Variants in RAPGEF4 observed in about 807,000 individuals in gnomAD.
The protein encoded by RAPGEF4 is Rap guanine nucleotide exchange factor 4, also known as RAP guanine-nucleotide-exchange factor (GEF) 4.
Under a neutral mutation model 147.9 loss-of-function variants are expected in RAPGEF4, and 66 were observed. The observed-to-expected ratio is 0.45, with a 90% confidence interval of 0.37 to 0.55. The LOEUF is 0.55. RAPGEF4 is among the 20% of genes least tolerant of loss of function. The probability of loss-of-function intolerance (pLI) is 0.00; values close to 1 mark genes in which losing one functional copy is unlikely to be tolerated. For synonymous variants in RAPGEF4, 419 were observed against 442.7 expected (o/e 0.95, Z 0.67); for missense variants, 1,071 against 1,257.3 (o/e 0.85, Z 2.24).
At chr2:172,836,289 T>C (rs776247538) in intron 4 of RAPGEF4, among the ~76,000 whole-genome samples, 11 of 152,110 alleles carry the variant, frequency 7.2e-5, no homozygotes, top group Non-Finnish European at 1.5e-5. Context: ...TCCACATGTC[T>C]ATGGCAATTT....
chr2:172,907,341 C>T (rs1246084565), intron 4 of RAPGEF4, among the ~76,000 whole-genome samples: 1 of 152,252 alleles, frequency 6.6e-6, no homozygotes, highest in Non-Finnish European at 1.5e-5. Flanking sequence ...TGCCTTCCCT[C>T]TTCCCTCTAT....
intron 23 of RAPGEF4, among the ~76,000 whole-genome samples, chr2:173,022,444 T>G (rs575174422): frequency 6.6e-6 from 1 of 151,884 alleles, no homozygotes; most frequent in African/African-American, 2.4e-5. Flanking sequence ...GGCCAAACCT[T>G]ACCTGCCTCA....
At chr2:172,778,248 C>G (rs943986885) in intron 1 of RAPGEF4, among the ~76,000 whole-genome samples, 1 of 152,116 alleles carries the variant, frequency 6.6e-6, no homozygotes, top group Non-Finnish European at 1.5e-5. Flanking sequence ...TCTGTTCTGT[C>G]TTGGGTTCTT....
At chr2:172,859,725 G>T (rs997786615) in intron 4 of RAPGEF4, among the ~76,000 whole-genome samples, 1 of 152,200 alleles carries the variant, frequency 6.6e-6, no homozygotes, top group Non-Finnish European at 1.5e-5. Flanking sequence ...GAAGTATCAA[G>T]TTGCTCTGTT....
chr2:172,954,540 A>G (rs529678833), intron 6 of RAPGEF4, among the ~76,000 whole-genome samples: 182 of 152,182 alleles, frequency 1.2e-3, no homozygotes, highest in African/African-American at 4.3e-3. Flanking sequence ...TTTTTCCATT[A>G]TTTCACAAAT....
At chr2:172,802,223 T>C (rs778195500) in intron 3 of RAPGEF4, among the ~76,000 whole-genome samples, 2 of 152,176 alleles carry the variant, frequency 1.3e-5, no homozygotes, top group Non-Finnish European at 2.9e-5. Context: ...GCTATACATT[T>C]ATTAGGTATG....
intron 4 of RAPGEF4, among the ~76,000 whole-genome samples, chr2:172,888,210 G>A (rs1398387045): frequency 6.6e-6 from 1 of 152,158 alleles, no homozygotes; most frequent in Non-Finnish European, 1.5e-5. Flanking sequence ...AATTATAGAA[G>A]GTTTAACTGT....
At chr2:172,804,664 C>A (rs572273060) in intron 3 of RAPGEF4, among the ~76,000 whole-genome samples, 14 of 152,324 alleles carry the variant, frequency 9.2e-5, no homozygotes, top group African/African-American at 2.9e-4. Flanking sequence ...GCAAAGCCTG[C>A]AAGGCATCTG....
At chr2:173,023,792 G>A (rs186809155) in intron 23 of RAPGEF4, among the ~76,000 whole-genome samples, 15 of 152,316 alleles carry the variant, frequency 9.8e-5, no homozygotes, top group Admixed American at 3.9e-4. Flanking sequence ...GGAGCAAGGT[G>A]TACTGGGTAT....
At chr2:172,895,204 A>G (rs192786562) in intron 4 of RAPGEF4, among the ~76,000 whole-genome samples, 44 of 152,080 alleles carry the variant, frequency 2.9e-4, no homozygotes, top group East Asian at 5.8e-4. Context: ...TTTAGTACTT[A>G]TCCTTGATTC....
rs1027525757 is a variant in RAPGEF4, at chr2:172,893,509, G to C, written c.445-24293G>C. Among the ~76,000 whole-genome samples the C allele has an allele frequency of 2.6e-5, 4 of 152,188 alleles. 1 individual carries two copies. Among genetic ancestry groups the C allele is most frequent in the Non-Finnish European group, 4.4e-5 (3 of 68,028 alleles). ...CCCCAGATGGCTGCCCCGAATCATG[G>C]GAGTTGAGCACAAGACTTTTGATTC... On this transcript the variant is annotated intron_variant, in intron 4 of 30. Transcript: ENST00000397081.
intron 1 of RAPGEF4, among the ~76,000 whole-genome samples, chr2:172,791,018 C>T (rs1685765086): frequency 6.6e-6 from 1 of 152,214 alleles, no homozygotes. Context: ...GTTGTGTCCT[C>T]ACATGGTGGA....
chr2:172,967,376 C>T lies in RAPGEF4; in HGVS notation c.936C>T (p.Leu312=), dbSNP rs1689956045. 4.3e-6 allele frequency: 7 copies of T among 1,611,922 alleles called. No homozygotes were observed. The Admixed American group carries it at 1.0e-4, about 23-fold the overall frequency. Residue 312 remains leucine (L), a synonymous_variant, in exon 10 of 31, where the codon CTC becomes CTT. Coordinates refer to ENST00000397081, the MANE Select transcript of RAPGEF4 (RefSeq NM_007023.4). ...EEEKKECDEE[L]QDTMLLLSQM... ...AGAAGAAGGAGTGTGATGAGGAGCT[C>T]CAGGACACCATGCTGCTGCTGTCAC...
At chr2:172,880,294 T>C (rs1299953319) in intron 4 of RAPGEF4, among the ~76,000 whole-genome samples, 2 of 152,212 alleles carry the variant, frequency 1.3e-5, no homozygotes, top group Non-Finnish European at 2.9e-5. Context: ...GAGCTCACGC[T>C]CTATAAAATG....
At chr2:172,753,151 C>G (rs16860846) in intron 1 of RAPGEF4, among the ~76,000 whole-genome samples, 2,315 of 152,074 alleles carry the variant, frequency 0.015, 64 homozygotes, top group African/African-American at 0.054. Flanking sequence ...AAAAAATGGA[C>G]ATTACTTAGC....
intron 4 of RAPGEF4, among the ~76,000 whole-genome samples, chr2:172,903,054 C>T (rs145965093): frequency 6.6e-6 from 1 of 151,920 alleles, no homozygotes; most frequent in Non-Finnish European, 1.5e-5. Context: ...GAAAAGCTGG[C>T]GGAGTTTAGA....
chr2:173,000,626 A>G (rs1693801214), intron 16 of RAPGEF4, among the ~76,000 whole-genome samples: 1 of 152,208 alleles, frequency 6.6e-6, no homozygotes, highest in Admixed American at 6.5e-5. Flanking sequence ...CTTACCTACA[A>G]AATAGTTTCA....
intron 15 of RAPGEF4, among the ~76,000 whole-genome samples, chr2:172,996,233 A>T (rs1210883347): frequency 6.6e-6 from 1 of 152,136 alleles, no homozygotes; most frequent in Non-Finnish European, 1.5e-5. Flanking sequence ...CCTTATTTCC[A>T]TATAGGGAAA....
At chr2:172,854,132 G>T (rs575972706) in intron 4 of RAPGEF4, among the ~76,000 whole-genome samples, 1 of 151,846 alleles carries the variant, frequency 6.6e-6, no homozygotes, top group African/African-American at 2.4e-5. Flanking sequence ...TGATGTTCAG[G>T]TCTTATATGT....
Sources: gnomAD v4.1 joint callset for allele counts (sites outside exome capture counted in the v4.1 genomes callset) on GRCh38, gnomAD v4.1.1 for gene constraint, MANE v1.5 for transcripts, NCBI Gene and HGNC (gene_info 2026-07-23, HGNC 2026-07-21) for gene names.